SHANK1: variants seen among roughly 807,000 people sequenced by gnomAD.
The protein encoded by SHANK1 is SH3 and multiple ankyrin repeat domains protein 1.
SHANK1 carries 35 observed loss-of-function variants against 165.6 expected under a neutral mutation model. That is an observed-to-expected ratio of 0.21 (90% confidence interval 0.16 to 0.28). SHANK1 has a LOEUF of 0.28. SHANK1 is among the 10% of genes least tolerant of loss of function. SHANK1 has a pLI of 1.00. For synonymous variants in SHANK1, 1,428 were observed against 1,384.8 expected, an observed-to-expected ratio of 1.03 and a Z score of -0.69; for missense variants, 2,681 against 3,036.4, an observed-to-expected ratio of 0.88 and a Z score of 2.75.
In SHANK1 at chr19:50,718,681, G is replaced by T. The variant is rs1184882951; in HGVS notation, c.-44+725C>A. ...GCCCTGGGAGGCTGTGGGGGGACAG[G>T]GGGCGGCTGGCGTGGCCGAGAGCGG... On this transcript the variant is annotated intron_variant, in intron 1 of 23. Transcript: ENST00000293441. This position sits in a 1 kb window ranked among gnomAD's most constrained non-coding sequence, Gnocchi z 5.1. 6.6e-6 allele frequency among the ~76,000 whole-genome samples: 1 copy of T among 151,904 alleles called. No homozygotes were observed. The highest frequency in any genetic ancestry group is 6.6e-5 in the Admixed American group (1 of 15,246).
In SHANK1 at chr19:50,662,283, C is replaced by G; in HGVS notation, c.6168G>C (p.Pro2056=). Residue 2056 remains proline, a synonymous_variant, in exon 24 of 24, where the codon CCG becomes CCC. Transcript: ENST00000293441. The surrounding 1 kb of genome is among the most constrained non-coding windows in gnomAD (Gnocchi z 7.7). Reference sequence around the variant, plus strand: ...GCCCCCCGGATATCCCCGGGTGTGGCGGCACAAAGACTGGGGCGAAGGGGT... The same window carrying G: ...GCCCCCCGGATATCCCCGGGTGTGGGGGCACAAAGACTGGGGCGAAGGGGT... ...SADPFAPVFV[P]PHPGISGGLG... The G allele has an allele frequency of 2.5e-6, 4 of 1,611,754 alleles. No homozygotes were observed. The highest frequency in any genetic ancestry group is 2.5e-6 in the Non-Finnish European group (3 of 1,178,600).
At position 50,668,791 on chromosome 19, in the gene SHANK1, G is replaced by A; in HGVS notation, c.3169C>T (p.Pro1057Ser). ...GATGGGGACGGGGCCCCCGGGGTCG[G>A]GCTGGGCCCGCCGCCCCTCCAGCCT... ...LRGWRGGGPSPTPGAPSPSHH... is the reference protein window; with the variant it reads ...LRGWRGGGPSSTPGAPSPSHH... The change falls in exon 23 of 24, where the codon CCG becomes TCG. Residue 1057 changes from proline (P) to serine (S), a missense_variant. By Grantham distance (74) the Pro-to-Ser change is moderately conservative (BLOSUM62 -1). This residue lies in a region of SHANK1 where 1,713 missense variants were observed against 1,630.2 expected (regional missense o/e 1.05). Transcript: ENST00000293441. 7.9e-7 allele frequency: 1 copy of A among 1,273,156 alleles called. No individual in the cohort carries two copies. The highest frequency in any genetic ancestry group is 9.8e-7 in the Non-Finnish European group (1 of 1,015,554). The allele number at this position is 1,273,156 out of a possible 1,614,324, so 78.9% of individuals were successfully genotyped here. A position where few individuals can be genotyped will look rare whatever the true frequency, so the allele number is the denominator to read the frequency against.
chr19:50,715,692 C>T lies in SHANK1; in HGVS notation c.498G>A (p.Leu166=), dbSNP rs970241996. 16 of 1,613,878 alleles carry T rather than the reference C, an allele frequency of 9.9e-6. No homozygotes were observed. The highest frequency in any genetic ancestry group is 1.4e-5 in the Non-Finnish European group (16 of 1,180,010). ...GCAACTTGGCCAGCTGCTTCTCATCCAGGTTGGTCTGTTTGTAAACTCGGG... is the reference window on the plus strand; with the variant it reads ...GCAACTTGGCCAGCTGCTTCTCATCTAGGTTGGTCTGTTTGTAAACTCGGG... ...YKTRVYKQTN[L]DEKQLAKLHT... The change falls in exon 4 of 24, where the codon CTG becomes CTA. Residue 166 remains leucine (L), a synonymous_variant. Coordinates refer to ENST00000293441, the MANE Select transcript of SHANK1 (RefSeq NM_016148.5).
intron 8 of SHANK1, among the ~76,000 whole-genome samples, chr19:50,705,906 C>T (rs184881905): frequency 6.6e-6 from 1 of 152,282 alleles, no homozygotes; most frequent in East Asian, 1.9e-4. Flanking sequence ...CCTGTAATCC[C>T]AGCACTTTGG....
Position 50,714,150 on chromosome 19 carries a change from C to A in SHANK1, c.640+32G>T, listed in dbSNP as rs768941731. ...CCTGCTCCCCAGCTCTGTCCTGGCC[C>A]TGAGGTCCTCCTGATGCGCACCCCT... On this transcript the variant is annotated intron_variant, in intron 5 of 23. Transcript: ENST00000293441. The A allele has an allele frequency of 7.9e-5, 127 of 1,599,900 alleles. 3 individuals carry two copies. The South Asian group carries it at 1.3e-3, about 16-fold the overall frequency.
In SHANK1 at chr19:50,719,627, C is replaced by T. The variant is rs1307334845; in HGVS notation, c.-265G>A. Among the ~76,000 whole-genome samples, 1 of 149,014 alleles carries T rather than the reference C, an allele frequency of 6.7e-6. No individual in the cohort carries two copies. The highest frequency in any genetic ancestry group is 1.5e-5 in the Non-Finnish European group (1 of 66,702). On this transcript the variant is annotated 5_prime_UTR_variant, in exon 1 of 24. Transcript: ENST00000293441. ...CGGGCCTGGCCATCCGCAGAGCGCCCCCCCTTCCGCCGCGGCCGCCGCGCC... is the reference window on the plus strand; with the variant it reads ...CGGGCCTGGCCATCCGCAGAGCGCCTCCCCTTCCGCCGCGGCCGCCGCGCC...
intron 12 of SHANK1, among the ~76,000 whole-genome samples, chr19:50,700,230 TGGGGCATTGGAGAATTGGAGGGCTC>T (rs1213794472): frequency 1.6e-5 from 2 of 123,212 alleles, no homozygotes; most frequent in African/African-American, 6.4e-5. Flanking sequence ...TTAGAGGGTT[TGGGGCATTGGAGAATTGGAGGGCTC>T]GGGGCATTGG....
chr19:50,660,144 C>G lies in SHANK1; in HGVS notation c.*1821G>C, dbSNP rs771611530. 6.6e-6 allele frequency among the ~76,000 whole-genome samples: 1 copy of G among 151,274 alleles called. No homozygotes were observed. ...GGGGGGGGGACCTGAGGGCAACGCC[C>G]TCCCCCCTTTACCCACAGCAGGGGA... On this transcript the variant is annotated 3_prime_UTR_variant, in exon 24 of 24. Transcript: ENST00000293441.
chr19:50,679,488 C>T (rs1307317293), intron 21 of SHANK1, among the ~76,000 whole-genome samples: 1 of 152,128 alleles, frequency 6.6e-6, no homozygotes, highest in East Asian at 1.9e-4. Context: ...CCAGGGAGCA[C>T]CTGAACTCCA....
chr19:50,712,671 C>A (rs1199126255), intron 6 of SHANK1, among the ~76,000 whole-genome samples: 2 of 152,254 alleles, frequency 1.3e-5, no homozygotes, highest in East Asian at 1.9e-4. Context: ...GGAAGGCTGG[C>A]AATAATGAAC....
At position 50,666,582 on chromosome 19, in the gene SHANK1, C is replaced by A; in HGVS notation, c.5378G>T (p.Gly1793Val). 6.2e-7 allele frequency: 1 copy of A among 1,600,884 alleles called. No individual in the cohort carries two copies. Among genetic ancestry groups the A allele is most frequent in the African/African-American group, 1.3e-5 (1 of 74,956 alleles). ...ACGCAGGGCCAGCAGCCCATCGGTT[C>A]CAGCCCCTGTCACCGAGACGGTGGG... Reference protein sequence around the residue: ...TSPTVSVTGAGTDGLLALRAC... With the variant: ...TSPTVSVTGAVTDGLLALRAC... The change falls in exon 23 of 24, where the codon GGA (glycine) becomes GTA (valine). Residue 1793 changes from glycine (G) to valine (V), a missense_variant. Transcript: ENST00000293441.
chr19:50,699,842 T>C (rs541288576), intron 12 of SHANK1, among the ~76,000 whole-genome samples: 27 of 139,340 alleles, frequency 1.9e-4, no homozygotes, highest in African/African-American at 6.4e-4. Context: ...TTAGAGGGTT[T>C]GGGGCATTGG....
Position 50,660,118 on chromosome 19 carries a change from TGG to T in SHANK1, c.*1845_*1846del, listed in dbSNP as rs112388773. 4.9e-5 allele frequency among the ~76,000 whole-genome samples: 7 copies of T among 141,880 alleles called. No individual in the cohort carries two copies. The highest frequency in any genetic ancestry group is 7.8e-5 in the Non-Finnish European group (5 of 63,972). 93.1% of individuals were successfully genotyped at this position (141,880 alleles called of 152,430 possible). ...AGCTCCCTTCTTTGGCAGCTGAACATGGGGGGGGGACCTGAGGGCAACGCCCT... is the reference window on the plus strand; with the variant it reads ...AGCTCCCTTCTTTGGCAGCTGAACATGGGGGGGACCTGAGGGCAACGCCCT... On this transcript the variant is annotated 3_prime_UTR_variant, in exon 24 of 24. Transcript: ENST00000293441.
Position 50,666,525 on chromosome 19 carries a change from G to C in SHANK1, c.5435C>G (p.Ala1812Gly), listed in dbSNP as rs749037124. ...ACSGPPTAGV[A>G]GGPVAVEPEV... ...TGGCTCTACAGCCACCGGACCCCCC[G>C]CCACGCCTGCCGTGGGGGGTCCTGA... is the stretch of plus-strand genomic sequence containing the variant. Residue 1812 changes from alanine to glycine, a missense_variant, in exon 23 of 24, where the codon GCG becomes GGG. By Grantham distance (60) the Ala-to-Gly change is moderately conservative. Around this residue, in one of 10 missense-constraint regions of SHANK1, gnomAD observed 1,713 missense variants for 1,630.2 expected, o/e 1.05. Transcript: ENST00000293441. 3.2e-6 allele frequency: 5 copies of C among 1,586,164 alleles called. No individual in the cohort carries two copies. Among genetic ancestry groups the C allele is most frequent in the Non-Finnish European group, 4.3e-6 (5 of 1,169,414 alleles).
At chr19:50,685,033 C>A (rs1044570674) in intron 21 of SHANK1, among the ~76,000 whole-genome samples, 1 of 152,228 alleles carries the variant, frequency 6.6e-6, no homozygotes, top group African/African-American at 2.4e-5. Flanking sequence ...AGCCAAAGGA[C>A]CCAGTTTTAG....
intron 15 of SHANK1, among the ~76,000 whole-genome samples, chr19:50,695,224 A>T (rs1599860463): frequency 8.6e-6 from 1 of 116,706 alleles, no homozygotes; most frequent in Non-Finnish European, 1.8e-5. Flanking sequence ...CGCGGGAGGG[A>T]GGGCAGGGCC....
chr19:50,673,111 G>T lies in SHANK1; in HGVS notation c.2578-997C>A, dbSNP rs114862991. On this transcript the variant is annotated intron_variant, in intron 21 of 23. Coordinates refer to ENST00000293441, the MANE Select transcript of SHANK1 (RefSeq NM_016148.5). Reference sequence around the variant, plus strand: ...GAGCAGCCCACAGCCCACGATGGACGGATACGGAGGCCCGAGGCAGCACTA... The same window carrying T: ...GAGCAGCCCACAGCCCACGATGGACTGATACGGAGGCCCGAGGCAGCACTA... Among the ~76,000 whole-genome samples the T allele has an allele frequency of 8.7e-3, 1,319 of 152,200 alleles. 22 individuals carry two copies. The highest frequency in any genetic ancestry group is 0.03 in the African/African-American group (1,241 of 41,512).
chr19:50,693,520 G>C (rs890776441), intron 15 of SHANK1, among the ~76,000 whole-genome samples: 1 of 151,602 alleles, frequency 6.6e-6, no homozygotes, highest in Non-Finnish European at 1.5e-5. Flanking sequence ...TCAGCAGCCA[G>C]CTCTTGTTCA....
rs1296435965 is a variant in SHANK1, at chr19:50,714,686, G to A, written c.532-396C>T. 4.0e-5 allele frequency among the ~76,000 whole-genome samples: 4 copies of A among 99,824 alleles called. No homozygotes were observed. In the East Asian group the frequency reaches 9.7e-4, roughly 24 times the overall value. 65.5% of individuals were successfully genotyped at this position (99,824 alleles called of 152,430 possible). On this transcript the variant is annotated intron_variant, in intron 4 of 23. Coordinates refer to ENST00000293441, the MANE Select transcript of SHANK1 (RefSeq NM_016148.5). ...AGCCCGGGTGACAGAGCAAGACCCC[G>A]TCTCAAAAAAAAAAAAAAAAAAAAT...
Sources: allele counts gnomAD v4.1 joint callset (sites outside exome capture counted in the v4.1 genomes callset), GRCh38; gene constraint gnomAD v4.1.1; regional missense constraint gnomAD v4.1.1; non-coding constraint Gnocchi (gnomAD v3.1); transcripts MANE v1.5; gene names NCBI Gene and HGNC (gene_info 2026-07-23, HGNC 2026-07-21).